Variants in ATL3 observed in about 807,000 individuals in gnomAD.
The protein encoded by ATL3 is atlastin-3.
In ATL3, 49 loss-of-function variants were observed where a neutral mutation model predicts 69.5. The ratio of observed to expected loss-of-function variants is 0.71; its 90% confidence interval spans 0.56 to 0.89. The LOEUF (loss-of-function observed/expected upper bound fraction) is 0.89. ATL3 is among the 40% of genes least tolerant of loss of function. The pLI is 0.00. For synonymous variants in ATL3, 214 were observed against 224.1 expected (o/e 0.95, Z 0.40); for missense variants, 606 against 645.7 (o/e 0.94, Z 0.67).
chr11:63,648,832 A>G (rs1939976286), intron 5 of ATL3, among the ~76,000 whole-genome samples: 1 of 151,638 alleles, frequency 6.6e-6, no homozygotes, highest in Non-Finnish European at 1.5e-5. Flanking sequence ...CAAAAAAACA[A>G]AAAGGCCAGG....
chr11:63,658,632 T>C, intron 3 of ATL3, 129 bp downstream of exon 3: 9 of 1,091,456 alleles, frequency 8.2e-6, no homozygotes, highest in Non-Finnish European at 1.1e-5. Flanking sequence ...CAGGGACTTT[T>C]TAACTTTTCT....
intron 8 of ATL3, among the ~76,000 whole-genome samples, chr11:63,638,211 T>A (rs1397477357): frequency 6.6e-6 from 1 of 152,170 alleles, no homozygotes; most frequent in Non-Finnish European, 1.5e-5. Context: ...AGACAAGAAC[T>A]ATCTCATAAC....
At chr11:63,671,428 G>A (rs776660782), upstream of ATL3, 175 of 1,512,320 alleles carry the variant, frequency 1.2e-4, no homozygotes, top group Admixed American at 1.9e-4. Context: ...GCGGGAAACG[G>A]GCGGAGCCTG....
At chr11:63,658,049 G>C (rs749558176) in intron 3 of ATL3, among the ~76,000 whole-genome samples, 1 of 151,958 alleles carries the variant, frequency 6.6e-6, no homozygotes, top group African/African-American at 2.4e-5. Flanking sequence ...GTAGAGACAG[G>C]GTTTCACTAT....
Position 63,635,648 on chromosome 11 carries a change from A to G in ATL3, c.979-58T>C, listed in dbSNP as rs1052922142. On this transcript the variant is annotated intron_variant, in intron 9 of 12. Transcript: ENST00000398868. ...TGTTATTCAGTCATATCTTACTCAT[A>G]TTTAATTTTTAGAAAGTGACCATAC... 3.7e-6 allele frequency: 5 copies of G among 1,362,668 alleles called. No individual in the cohort carries two copies. In the African/African-American group the frequency reaches 7.4e-5, roughly 20 times the overall value. The allele number at this position is 1,362,668 out of a possible 1,614,324, so 84.4% of individuals were successfully genotyped here. A position where few individuals can be genotyped will look rare whatever the true frequency, so the allele number is the denominator to read the frequency against.
At chr11:63,669,267 G>A (rs1940695572) in intron 1 of ATL3, among the ~76,000 whole-genome samples, 2 of 152,112 alleles carry the variant, frequency 1.3e-5, no homozygotes, top group African/African-American at 4.8e-5. Flanking sequence ...AGGCGCCGTG[G>A]CTCACACCTG....
intron 9 of ATL3, 84 bp downstream of exon 9, chr11:63,636,123 A>T: frequency 6.5e-7 from 1 of 1,540,296 alleles, no homozygotes; most frequent in Non-Finnish European, 8.7e-7. Context: ...TTTAAGTTTC[A>T]AAATATTTAA....
chr11:63,636,420 T>C, intron 8 of ATL3, 86 bp from the exon 9 acceptor site: 2 of 1,548,490 alleles, frequency 1.3e-6, no homozygotes, highest in Non-Finnish European at 1.8e-6. Flanking sequence ...CTTCCCAGTC[T>C]AGTGCTTTTA....
chr11:63,637,407 GATTT>G (rs1205612542), intron 8 of ATL3, among the ~76,000 whole-genome samples: 1 of 152,092 alleles, frequency 6.6e-6, no homozygotes, highest in Non-Finnish European at 1.5e-5. Context: ...ACTGGTCATT[GATTT>G]ATTCTTGTTA....
chr11:63,631,540 A>G (rs1590716587), intron 11 of ATL3, 69 bp from the exon 12 acceptor site: 1 of 1,295,486 alleles, frequency 7.7e-7, no homozygotes, highest in East Asian at 2.4e-5. Flanking sequence ...AAACATGAAA[A>G]GATAATGAAA....
intron 5 of ATL3, among the ~76,000 whole-genome samples, chr11:63,649,356 G>A (rs1939994732): frequency 6.6e-6 from 1 of 151,994 alleles, no homozygotes; most frequent in Non-Finnish European, 1.5e-5. Flanking sequence ...ATGTTTGCCA[G>A]GCTGTTCTCG....
chr11:63,671,848 AC>A, upstream of ATL3: 1 of 709,744 alleles, frequency 1.4e-6, no homozygotes, highest in Non-Finnish European at 1.9e-6. Context: ...TAACGTGCAG[AC>A]CAGGCCCCAG....
At position 63,633,008 on chromosome 11, in the gene ATL3, G is replaced by T; in HGVS notation, c.1107+18C>A. The T allele has an allele frequency of 6.2e-7, 1 of 1,608,996 alleles. No individual in the cohort carries two copies. The highest frequency in any genetic ancestry group is 1.1e-5 in the South Asian group (1 of 90,928). The stretch of plus-strand genomic sequence containing the variant: ...CCAGATTATAGATATTTCAGAATAA[G>T]GCGTATGTCCCACGTACCTCTTCCA... On this transcript the variant is annotated intron_variant, in intron 11 of 12. Transcript: ENST00000398868.
At position 63,635,569 on chromosome 11, in the gene ATL3, C is replaced by G. The variant is rs572184919; in HGVS notation, c.1000G>C (p.Gly334Arg). The G allele has an allele frequency of 2.5e-6, 4 of 1,611,128 alleles. No individual in the cohort carries two copies. The South Asian group carries it at 3.3e-5, about 13-fold the overall frequency. Residue 334 changes from glycine to arginine, a missense_variant, in exon 10 of 13, where the codon GGA (glycine) becomes CGA (arginine). Gly to Arg is a moderately radical substitution (Grantham distance 125). Transcript: ENST00000398868. ...YFKAYIKIYQ[G>R]EDLPHPKSML... ...GACTTGGGGTGAGGCAGATCTTCTCCTTGATAAATTTTAATATATGCCTTA... is the reference window on the plus strand; with the variant it reads ...GACTTGGGGTGAGGCAGATCTTCTCGTTGATAAATTTTAATATATGCCTTA...
At chr11:63,658,534 A>T (rs981221456) in intron 3 of ATL3, among the ~76,000 whole-genome samples, 1 of 152,232 alleles carries the variant, frequency 6.6e-6, no homozygotes, top group African/African-American at 2.4e-5. Flanking sequence ...GACCAAGGAG[A>T]CTACAGCTAG....
rs1939084929 is a variant in ATL3 at position 63,625,682 on chromosome 11, A to AT, written c.*3636_*3637insA. 1 of 152,272 alleles carries AT rather than the reference A, an allele frequency of 6.6e-6. No homozygotes were observed. Among genetic ancestry groups the AT allele is most frequent in the African/African-American group, 2.4e-5 (1 of 41,466 alleles). The allele number at this position is 152,272 out of a possible 1,614,324, so 9.4% of individuals were successfully genotyped here. A position where few individuals can be genotyped will look rare whatever the true frequency, so the allele number is the denominator to read the frequency against. On this transcript the variant is annotated 3_prime_UTR_variant, in exon 13 of 13. Coordinates refer to ENST00000398868, the MANE Select transcript of ATL3 (RefSeq NM_015459.5). Reference sequence around the variant, plus strand: ...TGACCAAAGCGCTTTACTTCATGTAAGAGAAAAAATAAAGCAAAACAAGGC... The same window carrying AT: ...TGACCAAAGCGCTTTACTTCATGTAATGAGAAAAAATAAAGCAAAACAAGGC...
chr11:63,629,021 T>G lies in ATL3; in HGVS notation c.*298A>C. 1 of 327,878 alleles carries G rather than the reference T, an allele frequency of 3.0e-6. No homozygotes were observed. The highest frequency in any genetic ancestry group is 5.6e-6 in the Non-Finnish European group (1 of 178,378). The allele number at this position is 327,878 out of a possible 1,614,324, so 20.3% of individuals were successfully genotyped here. On this transcript the variant is annotated 3_prime_UTR_variant, in exon 13 of 13. Coordinates refer to ENST00000398868, the MANE Select transcript of ATL3 (RefSeq NM_015459.5). ...CACATAAAGAACTTAAAAGCTGCAT[T>G]TCCATTTTTCCTCTAGCTTCCTCCT... is the stretch of plus-strand genomic sequence containing the variant.
chr11:63,637,700 T>C (rs957355550), intron 8 of ATL3: 3 of 152,192 alleles, frequency 2.0e-5, no homozygotes, highest in Non-Finnish European at 2.9e-5. Flanking sequence ...TTCTAACATC[T>C]TCCTGGGTTC....
rs542832293 is a variant in ATL3, at chr11:63,641,147, GGAA to G, written c.850+2207_850+2209del. On this transcript the variant is annotated intron_variant, in intron 8 of 12. Coordinates refer to ENST00000398868, the MANE Select transcript of ATL3 (RefSeq NM_015459.5). ...TGGACTTGCCTTTTCATGTAAGAAA[GGAA>G]GATTTAAGACTTACCAGTGCATTTT... Among the ~76,000 whole-genome samples the G allele has an allele frequency of 3.4e-3, 515 of 152,194 alleles. 8 individuals are homozygous for G. Among genetic ancestry groups the G allele is most frequent in the Non-Finnish European group, 4.4e-4 (30 of 68,016 alleles).
Sources: allele counts gnomAD v4.1 joint callset (sites outside exome capture counted in the v4.1 genomes callset), GRCh38; gene constraint gnomAD v4.1.1; transcripts MANE v1.5; gene names NCBI Gene and HGNC (gene_info 2026-07-23, HGNC 2026-07-21).